The following CNKSR3 variants were observed in gnomAD, a reference collection of about 807,000 sequenced individuals.
CNKSR3 encodes connector enhancer of kinase suppressor of ras 3.
In CNKSR3, 36 loss-of-function variants were observed where a neutral mutation model predicts 67.7. The observed-to-expected ratio is 0.53, with a 90% CI of 0.41 to 0.70. The LOEUF (loss-of-function observed/expected upper bound fraction) is 0.70. Among genes scored for constraint, CNKSR3 ranks in the 30% least tolerant of loss-of-function variants. The pLI is 0.00. For synonymous variants in CNKSR3, 281 were observed against 271.4 expected (o/e 1.04, Z -0.35); for missense variants, 630 against 695.2 (o/e 0.91, Z 1.05).
Position 154,388,117 on chromosome 6 carries a change from G to A in CNKSR3, c.*18237C>T. ...TGCAATATTGTACCACAAATCTCTA[G>A]AGCTTATTCACCTGACTTCACTGAA... On this transcript the variant is annotated 3_prime_UTR_variant, in exon 13 of 13. Transcript: ENST00000607772. 1 of 151,792 alleles carries A rather than the reference G, an allele frequency of 6.6e-6. No homozygotes were observed. Among genetic ancestry groups the A allele is most frequent in the Non-Finnish European group, 1.5e-5 (1 of 68,000 alleles). 9.4% of individuals were successfully genotyped at this position (151,792 alleles called of 1,614,324 possible).
chr6:154,408,802 T>C (rs1448846428), intron 12 of CNKSR3, among the ~76,000 whole-genome samples: 1 of 152,210 alleles, frequency 6.6e-6, no homozygotes, highest in Non-Finnish European at 1.5e-5. Context: ...AAAACTGTTA[T>C]TTTTTTAAGT....
rs977833638 is a variant in CNKSR3, at chr6:154,414,247, C to T, written c.1070+52G>A. Reference sequence around the variant, plus strand: ...GATCCTCTTTTCACACCACCATTTACAAATGACACCAACAGGAGACAAGCA... The same window carrying T: ...GATCCTCTTTTCACACCACCATTTATAAATGACACCAACAGGAGACAAGCA... On this transcript the variant is annotated intron_variant, in intron 10 of 12. Transcript: ENST00000607772. The T allele has an allele frequency of 6.5e-5, 99 of 1,520,824 alleles. No individual in the cohort carries two copies. The South Asian group carries it at 1.2e-3, about 18-fold the overall frequency. The allele number at this position is 1,520,824 out of a possible 1,614,324, so 94.2% of individuals were successfully genotyped here. A position where few individuals can be genotyped will look rare whatever the true frequency, so the allele number is the denominator to read the frequency against.
At chr6:154,473,741 C>T (rs985552604) in intron 1 of CNKSR3, among the ~76,000 whole-genome samples, 4 of 152,046 alleles carry the variant, frequency 2.6e-5, no homozygotes, top group South Asian at 2.1e-4. Context: ...ACTAGCTGTG[C>T]AACTTAGACA....
rs998082086 is a variant in CNKSR3 at position 154,510,315 on chromosome 6, C to T, written c.-201G>A. The T allele has an allele frequency of 2.2e-5, 13 of 591,652 alleles. No individual in the cohort carries two copies. The African/African-American group carries it at 2.4e-4, about 11-fold the overall frequency. 36.7% of individuals were successfully genotyped at this position (591,652 alleles called of 1,614,324 possible). On this transcript the variant is annotated 5_prime_UTR_variant, in exon 1 of 13. Coordinates refer to ENST00000607772, the MANE Select transcript of CNKSR3 (RefSeq NM_173515.4). The stretch of plus-strand genomic sequence containing the variant: ...GAGCCCGGCCCTCTCCCTCCAGCTG[C>T]CACAGTCCAGCTGCAGCTCCTCCTT...
intron 1 of CNKSR3, among the ~76,000 whole-genome samples, chr6:154,451,307 A>C (rs994239121): frequency 7.2e-5 from 11 of 152,234 alleles, no homozygotes; most frequent in Admixed American, 2.0e-4. Flanking sequence ...GAATCAATTG[A>C]TCTATTGAAG....
rs1410358299 is a variant in CNKSR3, at chr6:154,473,109, G to A, written c.53-22851C>T. Among the ~76,000 whole-genome samples the A allele has an allele frequency of 2.0e-5, 3 of 152,320 alleles. No individual in the cohort carries two copies. In the East Asian group the frequency reaches 5.8e-4, roughly 29 times the overall value. Reference sequence around the variant, plus strand: ...AAGAACCCTCCGTGATCACCATGGTGCATCTTAGGCTTATAAAATGTAGTA... The same window carrying A: ...AAGAACCCTCCGTGATCACCATGGTACATCTTAGGCTTATAAAATGTAGTA... On this transcript the variant is annotated intron_variant, in intron 1 of 12. Coordinates refer to ENST00000607772, the MANE Select transcript of CNKSR3 (RefSeq NM_173515.4).
chr6:154,424,761 TTTG>T (rs372118635), intron 7 of CNKSR3, among the ~76,000 whole-genome samples: 36 of 152,066 alleles, frequency 2.4e-4, no homozygotes, highest in African/African-American at 8.0e-4. Context: ...GTTTTGTTTT[TTTG>T]TTGTTGTTGT....
At chr6:154,454,138 G>C (rs776121334) in intron 1 of CNKSR3, among the ~76,000 whole-genome samples, 11,127 of 105,094 alleles carry the variant, frequency 0.11, 636 homozygotes, top group South Asian at 0.28. Flanking sequence ...GAGAGAGAGA[G>C]AGAGAGATAA....
Position 154,442,261 on chromosome 6 carries a change from C to A in CNKSR3, c.246G>T (p.Lys82Asn). 1.9e-6 allele frequency: 3 copies of A among 1,613,980 alleles called. No homozygotes were observed. Among genetic ancestry groups the A allele is most frequent in the South Asian group, 1.1e-5 (1 of 91,084 alleles). ...ATGCTCTCAGTTTCAGAACCAAGTTCTTCATGTTATCAGTTTCGAGGCCAT... is the reference window on the plus strand; with the variant it reads ...ATGCTCTCAGTTTCAGAACCAAGTTATTCATGTTATCAGTTTCGAGGCCAT... ...LNYGLETDNMKNLVLKLRASS... is the reference protein window; with the variant it reads ...LNYGLETDNMNNLVLKLRASS... Residue 82 changes from lysine (K) to asparagine (N), a missense_variant, in exon 3 of 13, where the codon AAG (lysine) becomes AAT (asparagine). Coordinates refer to ENST00000607772, the MANE Select transcript of CNKSR3 (RefSeq NM_173515.4).
At chr6:154,488,165 G>A (rs1033675393) in intron 1 of CNKSR3, among the ~76,000 whole-genome samples, 4 of 152,138 alleles carry the variant, frequency 2.6e-5, no homozygotes, top group Non-Finnish European at 1.5e-5. Flanking sequence ...TTTTTATAAT[G>A]TTATAGTTAC....
chr6:154,406,529 T>G lies in CNKSR3; in HGVS notation c.1493A>C (p.Asp498Ala), dbSNP rs1784793201. Residue 498 changes from aspartate to alanine, a missense_variant, in exon 13 of 13, where the codon GAC becomes GCC. By Grantham distance (126) the Asp-to-Ala change is moderately radical (BLOSUM62 -2). This residue lies in a region of CNKSR3 where 308 missense variants were observed against 299.6 expected (regional missense o/e 1.03). Transcript: ENST00000607772. ...TTERHLVRGA[D>A]YIRGSRCYIN... The stretch of plus-strand genomic sequence containing the variant: ...GTAGCACCTGCTTCCTCGGATGTAG[T>G]CCGCACCCCGGACCAGATGCCGCTC... 16 of 1,614,178 alleles carry G rather than the reference T, an allele frequency of 9.9e-6. No homozygotes were observed. The highest frequency in any genetic ancestry group is 1.4e-5 in the Non-Finnish European group (16 of 1,180,022).
At chr6:154,505,987 T>TA (rs941228569) in intron 1 of CNKSR3, among the ~76,000 whole-genome samples, 23 of 152,282 alleles carry the variant, frequency 1.5e-4, no homozygotes, top group Admixed American at 1.5e-3. Context: ...AAATCAAGCT[T>TA]AGAGAAAAGG....
intron 1 of CNKSR3, among the ~76,000 whole-genome samples, chr6:154,503,535 G>A (rs1010854421): frequency 6.6e-6 from 1 of 151,608 alleles, no homozygotes. Flanking sequence ...GGATGACACA[G>A]GATGATCACT....
At chr6:154,410,524 AC>A in intron 11 of CNKSR3, 92 bp from the exon 12 acceptor site, 1 of 768,636 alleles carries the variant, frequency 1.3e-6, no homozygotes, top group Non-Finnish European at 2.3e-6. Context: ...ACCTCACAAT[AC>A]CACACCCACT....
intron 1 of CNKSR3, among the ~76,000 whole-genome samples, chr6:154,494,690 C>T (rs1283211275): frequency 2.0e-5 from 3 of 152,088 alleles, no homozygotes; most frequent in Non-Finnish European, 1.5e-5. Context: ...ACAGGCCACC[C>T]TTCCACCCTC....
chr6:154,467,757 C>A (rs982922631), intron 1 of CNKSR3, among the ~76,000 whole-genome samples: 4 of 142,174 alleles, frequency 2.8e-5, no homozygotes, highest in South Asian at 2.2e-4. Flanking sequence ...ATATATATAT[C>A]ATTTTTGTTT....
chr6:154,450,124 A>G lies in CNKSR3; in HGVS notation c.187T>C (p.Leu63=). The G allele has an allele frequency of 1.2e-6, 2 of 1,614,156 alleles. No homozygotes were observed. The highest frequency in any genetic ancestry group is 2.2e-5 in the South Asian group (2 of 91,076). The part of the protein sequence containing the change: ...VTRIGHQELV[L]EAVDLLCALN... The stretch of plus-strand genomic sequence containing the variant: ...GCACAGAGAAGGTCCACAGCCTCCA[A>G]CACAAGCTCCTGGTGTCCAATCCGT... Residue 63 remains leucine (L), a synonymous_variant, in exon 2 of 13, where the codon TTG becomes CTG. Coordinates refer to ENST00000607772, the MANE Select transcript of CNKSR3 (RefSeq NM_173515.4).
chr6:154,422,850 A>C, intron 8 of CNKSR3, 65 bp downstream of exon 8: 1 of 1,385,462 alleles, frequency 7.2e-7, no homozygotes, highest in Non-Finnish European at 1.0e-6. Flanking sequence ...AAATTTAAAC[A>C]AAATGGTTTT....
rs974723788 is a variant in CNKSR3, at chr6:154,388,094, C to T, written c.*18260G>A. ...ACTGCAGTATTGTTGACTATAGGTGCAATATTGTACCACAAATCTCTAGAG... is the reference window on the plus strand; with the variant it reads ...ACTGCAGTATTGTTGACTATAGGTGTAATATTGTACCACAAATCTCTAGAG... On this transcript the variant is annotated 3_prime_UTR_variant, in exon 13 of 13. Coordinates refer to ENST00000607772, the MANE Select transcript of CNKSR3 (RefSeq NM_173515.4). The T allele has an allele frequency of 2.6e-5, 4 of 151,680 alleles. No homozygotes were observed. Among genetic ancestry groups the T allele is most frequent in the Non-Finnish European group, 5.9e-5 (4 of 67,980 alleles). The allele number at this position is 151,680 out of a possible 1,614,324, so 9.4% of individuals were successfully genotyped here.
Sources: gnomAD v4.1 joint callset for allele counts (sites outside exome capture counted in the v4.1 genomes callset) on GRCh38, gnomAD v4.1.1 for gene constraint, gnomAD v4.1.1 regional missense constraint, MANE v1.5 for transcripts, NCBI Gene and HGNC (gene_info 2026-07-23, HGNC 2026-07-21) for gene names.